The following TENM3 variants were observed in gnomAD, a reference collection of about 807,000 sequenced individuals.
The protein encoded by TENM3 is teneurin transmembrane protein 3.
TENM3 carries 63 observed loss-of-function variants against 255.1 expected under a neutral mutation model. The observed-to-expected ratio is 0.25, with a 90% CI of 0.20 to 0.30. The LOEUF (loss-of-function observed/expected upper bound fraction) is 0.30, where lower values mean the gene tolerates loss of function less well. TENM3 is among the 10% of genes least tolerant of loss of function. The pLI, the probability that TENM3 is intolerant of heterozygous loss-of-function variation, is 1.00. For missense variants in TENM3, 2,929 were observed against 3,461.1 expected, an observed-to-expected ratio of 0.85 and a Z score of 3.86; for synonymous variants, 1,306 against 1,322.3, an observed-to-expected ratio of 0.99 and a Z score of 0.27.
chr4:181,597,248 G>C, the TENM3 span, among the ~76,000 whole-genome samples: 2 of 152,108 alleles, frequency 1.3e-5, no homozygotes, highest in South Asian at 4.1e-4. Flanking sequence ...ATTAGATTCA[G>C]TCTTACTATT....
At chr4:182,757,998 G>T (rs556050248) in intron 22 of TENM3, among the ~76,000 whole-genome samples, 5 of 151,892 alleles carry the variant, frequency 3.3e-5, no homozygotes, top group Admixed American at 1.3e-4. Flanking sequence ...ATATATAAAA[G>T]AATATCATAG....
At chr4:182,448,919 C>A in intron 3 of TENM3, 2 of 346,782 alleles carry the variant, frequency 5.8e-6, no homozygotes, top group South Asian at 2.0e-5. Flanking sequence ...ACCGCCCCCT[C>A]GGCGGCCGGG....
At chr4:182,272,286 A>G (rs1364079584) in intron 1 of TENM3, among the ~76,000 whole-genome samples, 1 of 152,252 alleles carries the variant, frequency 6.6e-6, no homozygotes, top group African/African-American at 2.4e-5. Context: ...AGCAAAATAA[A>G]TGTCCCAGCA....
chr4:181,953,212 T>C, the TENM3 span, among the ~76,000 whole-genome samples: 1 of 152,014 alleles, frequency 6.6e-6, no homozygotes, highest in Non-Finnish European at 1.5e-5. Flanking sequence ...CTCCATGAAG[T>C]GGATGCTCTT....
chr4:182,307,252 G>A (rs989981700), intron 1 of TENM3, among the ~76,000 whole-genome samples: 5 of 152,178 alleles, frequency 3.3e-5, no homozygotes, highest in Non-Finnish European at 7.4e-5. Flanking sequence ...TGACCCACAG[G>A]AAATTGGTTT....
chr4:182,755,997 A>G (rs1185480599), intron 22 of TENM3, among the ~76,000 whole-genome samples: 1 of 152,200 alleles, frequency 6.6e-6, no homozygotes, highest in Non-Finnish European at 1.5e-5. Flanking sequence ...AAGGATTAAC[A>G]TCTTGCTTCC....
the TENM3 span, among the ~76,000 whole-genome samples, chr4:181,770,674 CAAAAAAAAAA>C: frequency 1.3e-5 from 1 of 76,620 alleles, no homozygotes; most frequent in Non-Finnish European, 2.4e-5. Context: ...GACTCTGTCT[CAAAAAAAAAA>C]AAAAAAAAAA....
chr4:182,084,457 C>A, the TENM3 span, among the ~76,000 whole-genome samples: 10 of 152,088 alleles, frequency 6.6e-5, no homozygotes, highest in African/African-American at 1.9e-4. Flanking sequence ...CAAGAAGATG[C>A]CTTTGAGAAC....
chr4:182,581,295 G>T (rs535397554), intron 3 of TENM3, among the ~76,000 whole-genome samples: 2 of 152,090 alleles, frequency 1.3e-5, no homozygotes, highest in Admixed American at 1.3e-4. Context: ...AAGAGTTACC[G>T]GTTCTTTATA....
At chr4:181,571,789 C>T in the TENM3 span, among the ~76,000 whole-genome samples, 2 of 152,060 alleles carry the variant, frequency 1.3e-5, no homozygotes, top group African/African-American at 4.8e-5. Flanking sequence ...TTTTATTAGG[C>T]ATAACTTACA....
intron 14 of TENM3, among the ~76,000 whole-genome samples, chr4:182,729,821 C>T (rs2152709586): frequency 6.6e-6 from 1 of 152,254 alleles, no homozygotes; most frequent in South Asian, 2.1e-4. Context: ...TTCTTGGTCC[C>T]TGAAGATTTA....
the TENM3 span, among the ~76,000 whole-genome samples, chr4:182,034,148 T>C: frequency 7.2e-5 from 11 of 152,056 alleles, no homozygotes. Flanking sequence ...AACCATAAGA[T>C]CTCATGAGAC....
the TENM3 span, among the ~76,000 whole-genome samples, chr4:181,671,137 G>C: frequency 6.6e-6 from 1 of 152,164 alleles, no homozygotes; most frequent in Non-Finnish European, 1.5e-5. Context: ...AGAGCTCTGA[G>C]AGTTGCCTAA....
the TENM3 span, among the ~76,000 whole-genome samples, chr4:181,553,683 T>C: frequency 1.1e-4 from 16 of 152,162 alleles, no homozygotes; most frequent in South Asian, 6.2e-4. Context: ...CCTCGTGATC[T>C]GCCCGCCTCG....
chr4:182,323,697 T>TA (rs1250397019), intron 1 of TENM3, among the ~76,000 whole-genome samples: 1 of 152,128 alleles, frequency 6.6e-6, no homozygotes, highest in Non-Finnish European at 1.5e-5. Context: ...TTTTTTGTAT[T>TA]AATGGGGAAA....
chr4:182,054,850 G>A, the TENM3 span, among the ~76,000 whole-genome samples: 1 of 152,104 alleles, frequency 6.6e-6, no homozygotes, highest in Admixed American at 6.5e-5. Context: ...TACTTAGAAG[G>A]AGAGGTCATA....
chr4:182,467,679 G>T (rs1732725116), intron 3 of TENM3, among the ~76,000 whole-genome samples: 1 of 152,146 alleles, frequency 6.6e-6, no homozygotes, highest in Non-Finnish European at 1.5e-5. Context: ...AGAGCCTCAG[G>T]CACACACTGT....
the TENM3 span, among the ~76,000 whole-genome samples, chr4:181,727,190 T>C: frequency 1.3e-5 from 2 of 151,776 alleles, no homozygotes; most frequent in African/African-American, 4.8e-5. Context: ...TTGGGTGACC[T>C]GGGATTAAAA....
At chr4:181,450,231 G>C in the TENM3 span, among the ~76,000 whole-genome samples, 13 of 152,188 alleles carry the variant, frequency 8.5e-5, no homozygotes, top group African/African-American at 3.1e-4. Flanking sequence ...AATCAAATGT[G>C]TCATTTTAAT....
Sources: gnomAD v4.1 joint callset for allele counts (sites outside exome capture counted in the v4.1 genomes callset) on GRCh38, gnomAD v4.1.1 for gene constraint, MANE v1.5 for transcripts, NCBI Gene and HGNC (gene_info 2026-07-23, HGNC 2026-07-21) for gene names.